Variants in PDZRN3 observed in about 807,000 individuals in gnomAD.
PDZRN3 encodes the protein PDZ domain containing ring finger 3.
A neutral mutation model predicts 85.7 loss-of-function variants in PDZRN3; 38 were observed. That is an observed-to-expected ratio of 0.44 (90% confidence interval 0.34 to 0.58). The LOEUF (loss-of-function observed/expected upper bound fraction) is 0.58, where lower values mean the gene tolerates loss of function less well. PDZRN3 is among the 20% of genes least tolerant of loss of function. The pLI, the probability that PDZRN3 is intolerant of heterozygous loss-of-function variation, is 0.01. For synonymous variants in PDZRN3, 759 were observed against 638.0 expected, an observed-to-expected ratio of 1.19 and a Z score of -2.86; for missense variants, 1,629 against 1,506.4, an observed-to-expected ratio of 1.08 and a Z score of -1.35.
intron 4 of PDZRN3, among the ~76,000 whole-genome samples, chr3:73,403,013 G>A (rs1701784397): frequency 2.0e-5 from 3 of 147,246 alleles, no homozygotes; most frequent in Admixed American, 7.0e-5. Context: ...GCATGATCTC[G>A]GCTCACTGCA....
chr3:73,576,791 T>C (rs757617876), intron 3 of PDZRN3, among the ~76,000 whole-genome samples: 39 of 152,328 alleles, frequency 2.6e-4, no homozygotes, highest in Non-Finnish European at 3.8e-4. Context: ...CTTGTTGGTG[T>C]GTGTTACTAT....
intron 3 of PDZRN3, among the ~76,000 whole-genome samples, chr3:73,595,802 G>A (rs952830430): frequency 3.9e-5 from 6 of 152,146 alleles, no homozygotes; most frequent in Non-Finnish European, 5.9e-5. Flanking sequence ...TATAGGCATA[G>A]TTTCCAAGAT....
At chr3:73,410,460 A>G (rs905019443) in intron 3 of PDZRN3, among the ~76,000 whole-genome samples, 1 of 152,188 alleles carries the variant, frequency 6.6e-6, no homozygotes, top group Non-Finnish European at 1.5e-5. Flanking sequence ...TTGGGACCTC[A>G]GCAGTTTGTC....
intron 3 of PDZRN3, among the ~76,000 whole-genome samples, chr3:73,447,067 AATATATAT>A (rs35272683): frequency 2.1e-5 from 3 of 141,954 alleles, no homozygotes; most frequent in African/African-American, 7.7e-5. Flanking sequence ...AAAGAATTGC[AATATATAT>A]ATATATATAT....
At chr3:73,607,602 C>T (rs1375304269) in intron 2 of PDZRN3, among the ~76,000 whole-genome samples, 2 of 152,178 alleles carry the variant, frequency 1.3e-5, no homozygotes, top group East Asian at 3.9e-4. Flanking sequence ...TTTCTGTTTA[C>T]TACTATCTCC....
Position 73,437,715 on chromosome 3 carries a change from A to AT in PDZRN3, c.919-33321dup, listed in dbSNP as rs969969562. Reference sequence around the variant, plus strand: ...GCCTAAAACAAGACATACCAAAGTGATTTTTTTTTTCTAATTTAAAGTACC... The same window carrying AT: ...GCCTAAAACAAGACATACCAAAGTGATTTTTTTTTTTCTAATTTAAAGTACC... On this transcript the variant is annotated intron_variant, in intron 3 of 9. Transcript: ENST00000263666. Among the ~76,000 whole-genome samples the AT allele has an allele frequency of 2.9e-3, 431 of 151,042 alleles. 3 individuals carry two copies. The highest frequency in any genetic ancestry group is 9.5e-3 in the African/African-American group (393 of 41,180).
In PDZRN3 at chr3:73,578,162, CTT is replaced by C. The variant is rs61521063; in HGVS notation, c.918+24190_918+24191del. Among the ~76,000 whole-genome samples the C allele has an allele frequency of 5.4e-4, 62 of 115,314 alleles. No individual in the cohort carries two copies. The South Asian group carries it at 9.4e-3, about 17-fold the overall frequency. The allele number at this position is 115,314 out of a possible 152,430, so 75.7% of individuals were successfully genotyped here. ...CTTTATGATATGGTCTTTGACCATTCTTTTTTTTTTTTTTTTTTTGAGACGGA... is the reference window on the plus strand; with the variant it reads ...CTTTATGATATGGTCTTTGACCATTCTTTTTTTTTTTTTTTTTGAGACGGA... On this transcript the variant is annotated intron_variant, in intron 3 of 9. Transcript: ENST00000263666.
At chr3:73,523,661 G>C (rs1704451552) in intron 3 of PDZRN3, among the ~76,000 whole-genome samples, 1 of 152,096 alleles carries the variant, frequency 6.6e-6, no homozygotes, top group Non-Finnish European at 1.5e-5. Context: ...CACAAAAACA[G>C]AACAGTTGGT....
chr3:73,532,145 C>T (rs1057253886), intron 3 of PDZRN3, among the ~76,000 whole-genome samples: 14 of 152,160 alleles, frequency 9.2e-5, no homozygotes, highest in South Asian at 8.3e-4. Flanking sequence ...GGATTACAGG[C>T]GCCCACCACC....
chr3:73,446,938 T>G (rs1207235383), intron 3 of PDZRN3, among the ~76,000 whole-genome samples: 1 of 151,670 alleles, frequency 6.6e-6, no homozygotes, highest in Non-Finnish European at 1.5e-5. Flanking sequence ...CTTCCCAGCT[T>G]GCTGCAGCCC....
At position 73,624,320 on chromosome 3, in the gene PDZRN3, T is replaced by C; in HGVS notation, c.506A>G (p.His169Arg). ...GHCCARALRA[H>R]NGALQARLGA... ...CAGGCGGGCCTGGAGCGCGCCGTTG[T>C]GCGCCCGCAGCGCTCGCGCGCAGCA... Residue 169 changes from histidine (H) to arginine (R), a missense_variant, in exon 1 of 10, where the codon CAC becomes CGC. Physicochemically the swap from His to Arg is conservative, Grantham distance 29 (BLOSUM62 0). Transcript: ENST00000263666. 1.5e-6 allele frequency: 2 copies of C among 1,314,634 alleles called. No homozygotes were observed. Among genetic ancestry groups the C allele is most frequent in the Non-Finnish European group, 1.9e-6 (2 of 1,039,368 alleles). 81.4% of individuals were successfully genotyped at this position (1,314,634 alleles called of 1,614,324 possible).
At chr3:73,547,515 G>A (rs189971763) in intron 3 of PDZRN3, among the ~76,000 whole-genome samples, 18 of 152,320 alleles carry the variant, frequency 1.2e-4, no homozygotes, top group South Asian at 8.3e-4. Flanking sequence ...GTAGATGAGC[G>A]GCACTGCTTA....
chr3:73,572,366 T>C (rs1020879311), intron 3 of PDZRN3, among the ~76,000 whole-genome samples: 4 of 152,216 alleles, frequency 2.6e-5, no homozygotes, highest in African/African-American at 7.2e-5. Flanking sequence ...GGAAATCCAA[T>C]GCTGTGTTCT....
chr3:73,533,691 T>A (rs1474456649), intron 3 of PDZRN3, among the ~76,000 whole-genome samples: 1 of 152,270 alleles, frequency 6.6e-6, no homozygotes, highest in Middle Eastern at 3.4e-3. Flanking sequence ...GCATTTGAAG[T>A]GGGAGGGTCT....
chr3:73,388,390 G>A (rs186783576), intron 7 of PDZRN3, among the ~76,000 whole-genome samples: 1 of 152,078 alleles, frequency 6.6e-6, no homozygotes, highest in Non-Finnish European at 1.5e-5. Context: ...GAGGGAACAT[G>A]GAAGCAATTA....
At chr3:73,479,460 A>G (rs1390877677) in intron 3 of PDZRN3, among the ~76,000 whole-genome samples, 1 of 151,984 alleles carries the variant, frequency 6.6e-6, no homozygotes, top group Non-Finnish European at 1.5e-5. Flanking sequence ...ACTCTCCAGG[A>G]ATACCGAGGG....
chr3:73,443,284 C>CT (rs1702679055), intron 3 of PDZRN3, among the ~76,000 whole-genome samples: 1 of 152,108 alleles, frequency 6.6e-6, no homozygotes, highest in Admixed American at 6.5e-5. Context: ...AACAGCTGCT[C>CT]TAAGTTCGCA....
chr3:73,537,224 T>C (rs1472713188), intron 3 of PDZRN3, among the ~76,000 whole-genome samples: 1 of 152,086 alleles, frequency 6.6e-6, no homozygotes, highest in African/African-American at 2.4e-5. Flanking sequence ...TCTTTCCAAG[T>C]GGAAAGATTC....
intron 3 of PDZRN3, among the ~76,000 whole-genome samples, chr3:73,419,198 T>G (rs1432563749): frequency 1.3e-5 from 2 of 152,142 alleles, no homozygotes; most frequent in African/African-American, 4.8e-5. Context: ...CAATTAGAAC[T>G]TGAGGAAACG....
Sources: gnomAD v4.1 joint callset for allele counts (sites outside exome capture counted in the v4.1 genomes callset) on GRCh38, gnomAD v4.1.1 for gene constraint, MANE v1.5 for transcripts, NCBI Gene and HGNC (gene_info 2026-07-23, HGNC 2026-07-21) for gene names.